WSCD1: variants seen among roughly 807,000 people sequenced by gnomAD.
WSCD1 encodes sialate:O-sulfotransferase 1.
A neutral mutation model predicts 60.4 loss-of-function variants in WSCD1; 41 were observed. That is an observed-to-expected ratio of 0.68 (90% confidence interval 0.53 to 0.88). The LOEUF (loss-of-function observed/expected upper bound fraction) is 0.88. WSCD1 is among the 40% of genes least tolerant of loss of function. The probability of loss-of-function intolerance (pLI) is 0.00; values close to 1 mark genes in which losing one functional copy is unlikely to be tolerated. For missense variants in WSCD1, 784 were observed against 796.2 expected (o/e 0.98, Z 0.18); for synonymous variants, 361 against 332.5 (o/e 1.09, Z -0.93).
chr17:6,120,505 G>C lies in WSCD1; in HGVS notation c.1572G>C (p.Lys524Asn). 2 of 1,613,916 alleles carry C rather than the reference G, an allele frequency of 1.2e-6. No homozygotes were observed. Among genetic ancestry groups the C allele is most frequent in the Non-Finnish European group, 1.7e-6 (2 of 1,180,006 alleles). ...EERLLCVENN[K>N]EGSFRRRGRR... The stretch of plus-strand genomic sequence containing the variant: ...GGCTGCTCTGCGTGGAGAACAACAA[G>C]GAGGGCAGCTTCCGGCGGCGCGGCC... Residue 524 changes from lysine (K) to asparagine (N), a missense_variant, in exon 9 of 9, where the codon AAG becomes AAC. Lys to Asn is a moderately conservative substitution (Grantham distance 94, BLOSUM62 0). Transcript: ENST00000317744.
In WSCD1 at chr17:6,120,682, G is replaced by A. The variant is rs74482376; in HGVS notation, c.*21G>A. ...GATGATAGGCCTGGCCCACGCCGCC[G>A]CCCCCGCTGAGTGACGCAATCGCAC... On this transcript the variant is annotated 3_prime_UTR_variant, in exon 9 of 9. Coordinates refer to ENST00000317744, the MANE Select transcript of WSCD1 (RefSeq NM_015253.2). 0.045 allele frequency: 70,915 copies of A among 1,587,302 alleles called. 1,851 individuals carry two copies. The highest frequency in any genetic ancestry group is 0.05 in the Non-Finnish European group (58,418 of 1,164,800).
chr17:6,069,567 G>A (rs1186990532), upstream of WSCD1, among the ~76,000 whole-genome samples: 1 of 152,054 alleles, frequency 6.6e-6, no homozygotes, highest in Non-Finnish European at 1.5e-5. Flanking sequence ...ACTGTGTGCG[G>A]TGTGGAGCAG....
rs987706237 is a variant in WSCD1 at position 6,087,631 on chromosome 17, G to A, written c.428-359G>A. ...GGTAGAGAGGCCTCTCTGAGCCCAG[G>A]GAGGGCAGGGCTAGAGAGGAGGGGT... is the stretch of plus-strand genomic sequence containing the variant. On this transcript the variant is annotated intron_variant, in intron 2 of 8. Coordinates refer to ENST00000317744, the MANE Select transcript of WSCD1 (RefSeq NM_015253.2). Among the ~76,000 whole-genome samples the A allele has an allele frequency of 2.0e-5, 3 of 152,238 alleles. No individual in the cohort carries two copies. In the East Asian group the frequency reaches 5.8e-4, roughly 29 times the overall value.
At chr17:6,083,902 C>A (rs551000109) in intron 2 of WSCD1, among the ~76,000 whole-genome samples, 1 of 152,186 alleles carries the variant, frequency 6.6e-6, no homozygotes, top group African/African-American at 2.4e-5. Context: ...CTTTAAGTTA[C>A]CCCTAATGAC....
chr17:6,083,427 G>A (rs558839568), intron 2 of WSCD1, among the ~76,000 whole-genome samples: 12 of 152,310 alleles, frequency 7.9e-5, no homozygotes, highest in South Asian at 2.1e-4. Context: ...AAGCACGACC[G>A]AGGTCTGCTA....
At chr17:6,115,856 A>G (rs1911662380) in intron 7 of WSCD1, among the ~76,000 whole-genome samples, 1 of 152,118 alleles carries the variant, frequency 6.6e-6, no homozygotes, top group Non-Finnish European at 1.5e-5. Flanking sequence ...TCACCCTCCT[A>G]AAGTGCTGGG....
At chr17:6,071,211 T>A (rs1326896751) in intron 1 of WSCD1, 1 of 150,848 alleles carries the variant, frequency 6.6e-6, no homozygotes, top group African/African-American at 2.4e-5. Context: ...TGTAGAGCTT[T>A]GCGTCTTCGT....
In WSCD1 at chr17:6,121,143, G is replaced by A. The variant is rs932579203; in HGVS notation, c.*482G>A. On this transcript the variant is annotated 3_prime_UTR_variant, in exon 9 of 9. Transcript: ENST00000317744. ...TGCTCGTCAGGGTGTTCGACTCTGG[G>A]ATGCTGGGCCGGGCAGACATTTATG... 5.8e-6 allele frequency: 1 copy of A among 172,004 alleles called. No individual in the cohort carries two copies. Among genetic ancestry groups the A allele is most frequent in the African/African-American group, 2.4e-5 (1 of 41,918 alleles). 10.7% of individuals were successfully genotyped at this position (172,004 alleles called of 1,614,324 possible). A position where few individuals can be genotyped will look rare whatever the true frequency, so the allele number is the denominator to read the frequency against.
Position 6,110,683 on chromosome 17 carries a change from G to A in WSCD1, c.1010-88G>A, listed in dbSNP as rs1436506654. The A allele has an allele frequency of 3.0e-5, 44 of 1,476,348 alleles. No homozygotes were observed. Among genetic ancestry groups the A allele is most frequent in the African/African-American group, 1.4e-4 (10 of 71,254 alleles). The allele number at this position is 1,476,348 out of a possible 1,614,324, so 91.5% of individuals were successfully genotyped here. ...CCCCATCTATTAAATGGGAGTCTTC[G>A]TTCATCAGTTCCTCTAAGGGAGTTT... On this transcript the variant is annotated intron_variant, in intron 6 of 8. Transcript: ENST00000317744. This position sits in a 1 kb window ranked among gnomAD's most constrained non-coding sequence, Gnocchi z 4.8.
intron 5 of WSCD1, among the ~76,000 whole-genome samples, chr17:6,109,174 G>T (rs888974440): frequency 2.0e-5 from 3 of 152,070 alleles, no homozygotes; most frequent in African/African-American, 7.2e-5. Context: ...GATCTGCCCC[G>T]CTCTGTGCCA....
chr17:6,108,884 G>A (rs879428223), intron 5 of WSCD1, among the ~76,000 whole-genome samples: 1 of 152,168 alleles, frequency 6.6e-6, no homozygotes, highest in Non-Finnish European at 1.5e-5. Context: ...CCCCTGACAG[G>A]GCCCCCCTCC....
chr17:6,103,696 G>C (rs1028311705), intron 5 of WSCD1, among the ~76,000 whole-genome samples: 1 of 152,216 alleles, frequency 6.6e-6, no homozygotes, highest in African/African-American at 2.4e-5. Context: ...ACAGCGCACG[G>C]AGAAGGGGAC....
rs1361378737 is a variant in WSCD1, at chr17:6,101,358, G to A, written c.849+6135G>A. ...TAAATGGGGCAGAGCTGAGCCTGGG[G>A]GTAGGAAGCTAGGGGCTTAATTAGA... On this transcript the variant is annotated intron_variant, in intron 5 of 8. Transcript: ENST00000317744. The surrounding 1 kb of genome is among the most constrained non-coding windows in gnomAD (Gnocchi z 4.1). 2.0e-5 allele frequency among the ~76,000 whole-genome samples: 3 copies of A among 152,144 alleles called. No individual in the cohort carries two copies. The highest frequency in any genetic ancestry group is 2.0e-4 in the Admixed American group (3 of 15,274).
At position 6,075,406 on chromosome 17, in the gene WSCD1, C is replaced by T. The variant is rs1430103830; in HGVS notation, c.-289+4754C>T. ...CCCCAGGGACTGCCTCCTCTCCTCTCCCTGCTGCCACCCCTCAGTCTCTGG... is the reference window on the plus strand; with the variant it reads ...CCCCAGGGACTGCCTCCTCTCCTCTTCCTGCTGCCACCCCTCAGTCTCTGG... On this transcript the variant is annotated intron_variant, in intron 1 of 8. Transcript: ENST00000317744. The surrounding 1 kb of genome is among the most constrained non-coding windows in gnomAD (Gnocchi z 4.1). 1.3e-5 allele frequency among the ~76,000 whole-genome samples: 2 copies of T among 152,084 alleles called. No individual in the cohort carries two copies. Among genetic ancestry groups the T allele is most frequent in the African/African-American group, 4.8e-5 (2 of 41,400 alleles).
intron 4 of WSCD1, among the ~76,000 whole-genome samples, chr17:6,091,190 T>G (rs1187669243): frequency 6.6e-6 from 1 of 152,108 alleles, no homozygotes; most frequent in African/African-American, 2.4e-5. Flanking sequence ...CACGCACCCA[T>G]CCAGGAGACC....
Position 6,123,044 on chromosome 17 carries a change from G to C in WSCD1, c.*2383G>C, listed in dbSNP as rs1327109722. On this transcript the variant is annotated 3_prime_UTR_variant, in exon 9 of 9. Transcript: ENST00000317744. Reference sequence around the variant, plus strand: ...GAGATCTCATCAGAAACAGGAACGGGGATCTGTCTGTGCTTGCAGGAAAGT... The same window carrying C: ...GAGATCTCATCAGAAACAGGAACGGCGATCTGTCTGTGCTTGCAGGAAAGT... 6.6e-6 allele frequency: 1 copy of C among 152,218 alleles called. No homozygotes were observed. Among genetic ancestry groups the C allele is most frequent in the Non-Finnish European group, 1.5e-5 (1 of 68,072 alleles). The allele number at this position is 152,218 out of a possible 1,614,324, so 9.4% of individuals were successfully genotyped here. A position where few individuals can be genotyped will look rare whatever the true frequency, so the allele number is the denominator to read the frequency against.
intron 7 of WSCD1, among the ~76,000 whole-genome samples, chr17:6,112,049 C>T (rs1911443854): frequency 6.6e-6 from 1 of 151,932 alleles, no homozygotes; most frequent in South Asian, 2.1e-4. Flanking sequence ...AATTTTATAC[C>T]AAAACCTATG....
At chr17:6,104,574 T>G (rs556737085) in intron 5 of WSCD1, among the ~76,000 whole-genome samples, 5 of 152,354 alleles carry the variant, frequency 3.3e-5, no homozygotes, top group Admixed American at 3.3e-4. Flanking sequence ...CAACCTGACA[T>G]ATGCCTGAAA....
At chr17:6,109,112 C>T (rs534614380) in intron 5 of WSCD1, among the ~76,000 whole-genome samples, 1 of 152,266 alleles carries the variant, frequency 6.6e-6, no homozygotes, top group East Asian at 1.9e-4. Flanking sequence ...GGCTTGAGGT[C>T]TGTTCATTAG....
Sources: allele counts gnomAD v4.1 joint callset (sites outside exome capture counted in the v4.1 genomes callset), GRCh38; gene constraint gnomAD v4.1.1; non-coding constraint Gnocchi (gnomAD v3.1); transcripts MANE v1.5; gene names NCBI Gene and HGNC (gene_info 2026-07-23, HGNC 2026-07-21).